PGBD2: variants seen among roughly 807,000 people sequenced by gnomAD.
The protein encoded by PGBD2 is piggyBac transposable element derived 2, also known as piggyBac transposable element-derived protein 2.
PGBD2 carries 6 observed loss-of-function variants against 8.1 expected under a neutral mutation model. The ratio of observed to expected loss-of-function variants is 0.74; its 90% confidence interval spans 0.40 to 1.46. The LOEUF (loss-of-function observed/expected upper bound fraction) is 1.46. PGBD2 is among the 40% of genes most tolerant of loss of function. PGBD2 has a pLI of 0.02. For synonymous variants in PGBD2, 318 were observed against 272.2 expected, an observed-to-expected ratio of 1.17 and a Z score of -1.66; for missense variants, 802 against 739.0, an observed-to-expected ratio of 1.09 and a Z score of -0.99.
the PGBD2 span, among the ~76,000 whole-genome samples, chr1:248,928,858 G>T: frequency 2.6e-5 from 4 of 152,250 alleles, no homozygotes; most frequent in South Asian, 6.2e-4. Flanking sequence ...GTTTTCTTCT[G>T]CCATATGCAT....
rs567930359 is a variant in PGBD2 at position 248,917,456 on chromosome 1, G to A, written c.872G>A (p.Arg291Gln). Residue 291 changes from arginine (R) to glutamine (Q), a missense_variant, in exon 3 of 3, where the codon CGA becomes CAA. By Grantham distance (43) the Arg-to-Gln change is conservative. Coordinates refer to ENST00000329291, the MANE Select transcript of PGBD2 (RefSeq NM_170725.3). ...SKQLHRGKPV[R>Q]LGYKIWCGTT... is the part of the protein sequence containing the mutation. Reference sequence around the variant, plus strand: ...CAGCTGCACAGGGGGAAGCCTGTGCGACTTGGCTACAAGATTTGGTGTGGG... The same window carrying A: ...CAGCTGCACAGGGGGAAGCCTGTGCAACTTGGCTACAAGATTTGGTGTGGG... 1.2e-5 allele frequency: 20 copies of A among 1,614,116 alleles called. No individual in the cohort carries two copies. Among genetic ancestry groups the A allele is most frequent in the South Asian group, 7.7e-5 (7 of 91,066 alleles).
the PGBD2 span, among the ~76,000 whole-genome samples, chr1:248,929,985 T>C: frequency 6.6e-6 from 1 of 152,170 alleles, no homozygotes; most frequent in Non-Finnish European, 1.5e-5. Flanking sequence ...TCGTTGTCCT[T>C]AAGACTGACC....
At chr1:248,928,781 C>T in the PGBD2 span, among the ~76,000 whole-genome samples, 1 of 152,192 alleles carries the variant, frequency 6.6e-6, no homozygotes, top group Non-Finnish European at 1.5e-5. Context: ...ATTTTTCCTG[C>T]AGAAGAATCC....
At chr1:248,900,050 T>A in the PGBD2 span, among the ~76,000 whole-genome samples, 4 of 117,294 alleles carry the variant, frequency 3.4e-5, no homozygotes, top group Admixed American at 4.5e-4. Context: ...AGTCCCTGAA[T>A]AGACCAATAA....
chr1:248,918,910 T>C lies in PGBD2; in HGVS notation c.*547T>C, dbSNP rs1312150538. ...TGAAAATATTTTCCTAATACACATA[T>C]ATCAATGTGAGATTCATTTTTGTAA... On this transcript the variant is annotated 3_prime_UTR_variant, in exon 3 of 3. Coordinates refer to ENST00000329291, the MANE Select transcript of PGBD2 (RefSeq NM_170725.3). 1 of 167,064 alleles carries C rather than the reference T, an allele frequency of 6.0e-6. No homozygotes were observed. The highest frequency in any genetic ancestry group is 1.5e-5 in the Non-Finnish European group (1 of 68,108). 10.3% of individuals were successfully genotyped at this position (167,064 alleles called of 1,614,324 possible). A position where few individuals can be genotyped will look rare whatever the true frequency, so the allele number is the denominator to read the frequency against.
At chr1:248,925,561 C>A in the PGBD2 span, among the ~76,000 whole-genome samples, 40 of 150,128 alleles carry the variant, frequency 2.7e-4, no homozygotes, top group South Asian at 4.2e-3. Flanking sequence ...CTAACCTCTG[C>A]TACCATGACT....
the PGBD2 span, among the ~76,000 whole-genome samples, chr1:248,929,290 C>G: frequency 6.6e-6 from 1 of 152,130 alleles, no homozygotes; most frequent in Non-Finnish European, 1.5e-5. Flanking sequence ...CCATTCGTCT[C>G]TCTTTTCTTG....
the PGBD2 span, among the ~76,000 whole-genome samples, chr1:248,927,864 G>T: frequency 0.017 from 2,586 of 152,212 alleles, 86 homozygotes; most frequent in African/African-American, 0.058. Context: ...GATAGATAAA[G>T]AAAATACATA....
the PGBD2 span, among the ~76,000 whole-genome samples, chr1:248,878,841 G>A: frequency 2.6e-5 from 4 of 152,122 alleles, no homozygotes; most frequent in African/African-American, 7.2e-5. Context: ...GTGGCTCGCC[G>A]CTATTGCTAT....
chr1:248,900,276 T>TACA, the PGBD2 span, among the ~76,000 whole-genome samples: 1 of 151,834 alleles, frequency 6.6e-6, no homozygotes, highest in East Asian at 1.9e-4. Flanking sequence ...CTGGCAGAAA[T>TACA]ACAACAACAA....
the PGBD2 span, among the ~76,000 whole-genome samples, chr1:248,891,062 G>T: frequency 1.3e-5 from 2 of 152,054 alleles, no homozygotes; most frequent in Non-Finnish European, 2.9e-5. Flanking sequence ...AATCACTCAC[G>T]CACTGACGCA....
At chr1:248,894,369 T>A in the PGBD2 span, among the ~76,000 whole-genome samples, 1 of 152,182 alleles carries the variant, frequency 6.6e-6, no homozygotes, top group South Asian at 2.1e-4. Flanking sequence ...TTTACTTCTA[T>A]GTTTTCTTCT....
At chr1:248,887,864 T>C in the PGBD2 span, among the ~76,000 whole-genome samples, 11 of 152,136 alleles carry the variant, frequency 7.2e-5, no homozygotes, top group Admixed American at 4.6e-4. Flanking sequence ...ACCCAAACAG[T>C]GGACATAGTA....
At chr1:248,893,087 T>C in the PGBD2 span, among the ~76,000 whole-genome samples, 32 of 152,352 alleles carry the variant, frequency 2.1e-4, no homozygotes, top group South Asian at 1.0e-3. Flanking sequence ...TGAGGTATAA[T>C]TGGTATCCAG....
At chr1:248,885,684 C>A in the PGBD2 span, among the ~76,000 whole-genome samples, 1 of 152,058 alleles carries the variant, frequency 6.6e-6, no homozygotes, top group East Asian at 1.9e-4. Context: ...GTTCTATAAC[C>A]CCCACACTCA....
intron 1 of PGBD2, among the ~76,000 whole-genome samples, chr1:248,912,142 C>G (rs1448325859): frequency 6.6e-6 from 1 of 152,114 alleles, no homozygotes; most frequent in Non-Finnish European, 1.5e-5. Context: ...TGTGGAAACT[C>G]CCATCATCAT....
chr1:248,900,549 A>G, the PGBD2 span, among the ~76,000 whole-genome samples: 2 of 152,226 alleles, frequency 1.3e-5, no homozygotes, highest in Admixed American at 1.3e-4. Context: ...AACATCCTTC[A>G]TGTTAAAAAC....
chr1:248,929,152 G>A, the PGBD2 span, among the ~76,000 whole-genome samples: 6 of 152,236 alleles, frequency 3.9e-5, no homozygotes, highest in Admixed American at 3.3e-4. Flanking sequence ...TGCTATATGT[G>A]CCTCTGGCTT....
chr1:248,914,245 G>T (rs1019140139), intron 2 of PGBD2, among the ~76,000 whole-genome samples: 1 of 152,168 alleles, frequency 6.6e-6, no homozygotes, highest in African/African-American at 2.4e-5. Context: ...GAGAGTCTGG[G>T]GGTGAGCTGG....
Sources: allele counts gnomAD v4.1 joint callset (sites outside exome capture counted in the v4.1 genomes callset), GRCh38; gene constraint gnomAD v4.1.1; transcripts MANE v1.5; gene names NCBI Gene and HGNC (gene_info 2026-07-23, HGNC 2026-07-21).